Variants in VWF observed in about 807,000 individuals in gnomAD.
The protein encoded by VWF is Factor VIII related antigen.
In VWF, 176 loss-of-function variants were observed where a neutral mutation model predicts 308.6. That is an observed-to-expected ratio of 0.57 (90% confidence interval 0.50 to 0.65). VWF has a LOEUF of 0.65. Ranked by LOEUF, VWF falls within the 30% of genes least tolerant of loss-of-function variation. The pLI is 0.00. For synonymous variants in VWF, 1,385 were observed against 1,443.4 expected, an observed-to-expected ratio of 0.96 and a Z score of 0.92; for missense variants, 3,146 against 3,648.2, an observed-to-expected ratio of 0.86 and a Z score of 3.55.
At position 6,023,725 on chromosome 12, in the gene VWF, C is replaced by T. The variant is rs1194464305; in HGVS notation, c.3285G>A (p.Gly1095=). Residue 1095 remains glycine (G), a synonymous_variant, in exon 25 of 52, where the codon GGG becomes GGA. Coordinates refer to ENST00000261405, the MANE Select transcript of VWF (RefSeq NM_000552.5). ...IYDTCSCESI[G]DCACFCDTIA... ...TGGTGTCGCAGAAGCAGGCGCAGTC[C>T]CCAATGGACTCACAGGAGCAGGTGT... The T allele has an allele frequency of 2.5e-6, 4 of 1,613,830 alleles. No individual in the cohort carries two copies. In the Admixed American group the frequency reaches 5.0e-5, roughly 20 times the overall value.
At chr12:6,118,870 G>C (rs1022723324) in intron 3 of VWF, among the ~76,000 whole-genome samples, 9 of 151,806 alleles carry the variant, frequency 5.9e-5, no homozygotes, top group South Asian at 2.1e-4. Flanking sequence ...CAGGGGTTCA[G>C]GGGTTCTCTC....
intron 34 of VWF, among the ~76,000 whole-genome samples, chr12:6,010,275 C>T (rs1943979680): frequency 6.6e-6 from 1 of 152,144 alleles, no homozygotes; most frequent in South Asian, 2.1e-4. Context: ...CACTGAGATA[C>T]TATTTCTTTC....
rs772796741 is a variant in VWF, at chr12:6,036,388, C to A, written c.2546G>T (p.Cys849Phe). ...GGCGCAGCCCCTCACTGAGCCTCAC[C>A]AAGTGTTGCAGCCAATCTTCACTGT... ...GETVKIGCNT[C>F]VCQDRKWNCT... Residue 849 changes from cysteine (C) to phenylalanine (F), a missense_variant and splice_region_variant, in exon 19 of 52, where the codon TGT (cysteine) becomes TTT (phenylalanine). Cys to Phe is a radical substitution (Grantham distance 205). Around this residue, in one of 3 missense-constraint regions of VWF, gnomAD observed 1,304 missense variants for 1,353.0 expected, o/e 0.96. Transcript: ENST00000261405. 5 of 1,614,150 alleles carry A rather than the reference C, an allele frequency of 3.1e-6. No individual in the cohort carries two copies. In the South Asian group the frequency reaches 5.5e-5, roughly 18 times the overall value.
intron 34 of VWF, among the ~76,000 whole-genome samples, chr12:6,006,656 G>C: frequency 6.6e-6 from 1 of 152,070 alleles, no homozygotes; most frequent in East Asian, 1.9e-4. Context: ...GCACGTGCTT[G>C]TAGTTCCAGC....
intron 5 of VWF, among the ~76,000 whole-genome samples, chr12:6,101,817 A>G (rs1945165639): frequency 6.6e-6 from 1 of 152,022 alleles, no homozygotes; most frequent in African/African-American, 2.4e-5. Flanking sequence ...GTAATCCAAC[A>G]TATTTCTCAC....
intron 47 of VWF, among the ~76,000 whole-genome samples, chr12:5,964,234 A>ACATACATACATG (rs1221226987): frequency 6.9e-6 from 1 of 144,112 alleles, no homozygotes; most frequent in African/African-American, 2.9e-5. Flanking sequence ...ATACATACAT[A>ACATACATACATG]CATACATACA....
At chr12:6,029,286 C>G in intron 22 of VWF, 56 bp downstream of exon 22, 3 of 1,611,218 alleles carry the variant, frequency 1.9e-6, no homozygotes. Context: ...GATCAGGGAG[C>G]AGAAAACACT....
chr12:6,023,683 G>A lies in VWF; in HGVS notation c.3327C>T (p.His1109=), dbSNP rs753321680. The stretch of plus-strand genomic sequence containing the variant: ...CCACCTTGCCATGCTGGGCACACAC[G>A]TGGGCATAGGCAGCAATGGTGTCGC... ...CFCDTIAAYA[H]VCAQHGKVVT... Residue 1109 remains histidine (H), a synonymous_variant, in exon 25 of 52, where the codon CAC becomes CAT. Transcript: ENST00000261405. 1.4e-5 allele frequency: 22 copies of A among 1,613,812 alleles called. No homozygotes were observed. The highest frequency in any genetic ancestry group is 6.7e-5 in the East Asian group (3 of 44,900).
chr12:6,094,103 C>G (rs770481025), intron 6 of VWF, among the ~76,000 whole-genome samples: 2 of 152,266 alleles, frequency 1.3e-5, no homozygotes, highest in Admixed American at 1.3e-4. Flanking sequence ...CCAAAAATGA[C>G]GGAAGCAAGG....
chr12:6,081,083 C>A (rs1026300521), intron 6 of VWF, among the ~76,000 whole-genome samples: 4 of 152,184 alleles, frequency 2.6e-5, no homozygotes, highest in Non-Finnish European at 5.9e-5. Flanking sequence ...ACAGATTCTC[C>A]GCCCATCCTC....
intron 5 of VWF, among the ~76,000 whole-genome samples, chr12:6,103,986 C>A (rs1945212719): frequency 6.6e-6 from 1 of 152,096 alleles, no homozygotes; most frequent in South Asian, 2.1e-4. Flanking sequence ...AGACAGCTTG[C>A]AGAATGGAAG....
At chr12:6,114,577 G>T (rs1945344075) in intron 3 of VWF, among the ~76,000 whole-genome samples, 1 of 152,184 alleles carries the variant, frequency 6.6e-6, no homozygotes, top group Non-Finnish European at 1.5e-5. Context: ...CGGGGCTCGG[G>T]GCTGGCCAGG....
chr12:6,094,945 C>A (rs115366519), intron 6 of VWF, among the ~76,000 whole-genome samples: 5,233 of 148,122 alleles, frequency 0.035, 317 homozygotes, highest in African/African-American at 0.12. Flanking sequence ...GTGCTAAGCT[C>A]CGCCTCCTGG....
chr12:6,023,867 T>C (rs1230630252), intron 24 of VWF, 80 bp from the exon 25 acceptor site: 41 of 1,532,202 alleles, frequency 2.7e-5, no homozygotes, highest in East Asian at 4.6e-5. Flanking sequence ...GCAAATGTTC[T>C]GATGGTCAAT....
chr12:5,970,995 C>A (rs1054581419), intron 44 of VWF, among the ~76,000 whole-genome samples: 116 of 152,170 alleles, frequency 7.6e-4, no homozygotes, highest in Non-Finnish European at 1.4e-3. Context: ...GAGAACCTGG[C>A]AGCACATGGG....
intron 13 of VWF, among the ~76,000 whole-genome samples, chr12:6,059,668 A>C (rs10744696): frequency 0.65 from 99,350 of 152,070 alleles, 32,857 homozygotes; most frequent in East Asian, 0.76. Flanking sequence ...CTCATTCTTC[A>C]TCATCTCCCA....
intron 5 of VWF, among the ~76,000 whole-genome samples, chr12:6,099,271 A>G (rs1945136341): frequency 6.7e-6 from 1 of 148,376 alleles, no homozygotes; most frequent in African/African-American, 2.5e-5. Context: ...GTGAGCCCCG[A>G]TCGCGCCACT....
chr12:6,110,280 G>A, intron 5 of VWF, 94 bp downstream of exon 5: 1 of 1,339,028 alleles, frequency 7.5e-7, no homozygotes, highest in Non-Finnish European at 1.1e-6. Context: ...AGTGAGGCTT[G>A]AATGCCAGGG....
At chr12:6,065,032 A>G (rs1336035043) in intron 11 of VWF, 105 bp downstream of exon 11, 2 of 1,536,244 alleles carry the variant, frequency 1.3e-6, no homozygotes, top group Non-Finnish European at 1.8e-6. Flanking sequence ...TCCCTCATGC[A>G]CAGAAAGCAA....
Sources: allele counts gnomAD v4.1 joint callset (sites outside exome capture counted in the v4.1 genomes callset), GRCh38; gene constraint gnomAD v4.1.1; regional missense constraint gnomAD v4.1.1; transcripts MANE v1.5; gene names NCBI Gene and HGNC (gene_info 2026-07-23, HGNC 2026-07-21).